ZBTB20: variants seen among roughly 807,000 people sequenced by gnomAD.
ZBTB20 encodes the protein zinc finger and BTB domain-containing protein 20.
Under a neutral mutation model 56.9 loss-of-function variants are expected in ZBTB20, and 9 were observed. The ratio of observed to expected loss-of-function variants is 0.16; its 90% confidence interval spans 0.10 to 0.28. The LOEUF (loss-of-function observed/expected upper bound fraction) is 0.28, where lower values mean the gene tolerates loss of function less well. Among genes scored for constraint, ZBTB20 ranks in the 10% least tolerant of loss-of-function variants. The pLI is 1.00. For synonymous variants in ZBTB20, 417 were observed against 420.7 expected, an observed-to-expected ratio of 0.99 and a Z score of 0.11; for missense variants, 655 against 1,003.0, an observed-to-expected ratio of 0.65 and a Z score of 4.69.
intron 2 of ZBTB20, among the ~76,000 whole-genome samples, chr3:115,042,928 A>G (rs887878242): frequency 5.3e-5 from 8 of 152,240 alleles, no homozygotes; most frequent in African/African-American, 9.6e-5. Context: ...ATCTTTGATC[A>G]TAAGTGTTGA....
At chr3:114,792,034 T>G (rs1285025997) in intron 5 of ZBTB20, 1 of 152,120 alleles carries the variant, frequency 6.6e-6, no homozygotes, top group Non-Finnish European at 1.5e-5. Context: ...TAACACTCTT[T>G]ATTGTTCCTG....
intron 4 of ZBTB20, among the ~76,000 whole-genome samples, chr3:114,851,045 ACT>A (rs1437057856): frequency 6.6e-6 from 1 of 152,022 alleles, no homozygotes; most frequent in East Asian, 1.9e-4. Context: ...GTCTACCCAA[ACT>A]CTCTTAGGTG....
intron 2 of ZBTB20, among the ~76,000 whole-genome samples, chr3:115,045,377 G>A (rs1179084724): frequency 6.6e-6 from 1 of 151,868 alleles, no homozygotes; most frequent in African/African-American, 2.4e-5. Context: ...TCCCGTAGTG[G>A]CCGAATTTCC....
chr3:114,347,088 T>G (rs964926493), intron 11 of ZBTB20, among the ~76,000 whole-genome samples: 19 of 127,296 alleles, frequency 1.5e-4, no homozygotes, highest in Admixed American at 1.1e-3. Context: ...TTTTTTTTTT[T>G]TTTTTTTTTT....
At chr3:115,073,979 G>A (rs779732907) in intron 1 of ZBTB20, among the ~76,000 whole-genome samples, 6 of 152,030 alleles carry the variant, frequency 3.9e-5, no homozygotes, top group Non-Finnish European at 7.4e-5. Context: ...CATAATTAGT[G>A]AAAATCTAAG....
intron 6 of ZBTB20, among the ~76,000 whole-genome samples, chr3:114,531,858 G>T (rs971128178): frequency 6.6e-5 from 10 of 152,158 alleles, no homozygotes; most frequent in African/African-American, 2.4e-4. Context: ...GCAGGGTGGG[G>T]CATCGCTTCA....
At chr3:114,455,583 A>G (rs1055258772) in intron 7 of ZBTB20, among the ~76,000 whole-genome samples, 1 of 152,130 alleles carries the variant, frequency 6.6e-6, no homozygotes, top group Non-Finnish European at 1.5e-5. Flanking sequence ...CAAGACAGGT[A>G]CAGTCAGATG....
At chr3:115,029,561 TAGAA>T (rs1247229531) in intron 2 of ZBTB20, among the ~76,000 whole-genome samples, 5 of 150,716 alleles carry the variant, frequency 3.3e-5, no homozygotes, top group Non-Finnish European at 7.5e-5. Context: ...GGAAATCAAA[TAGAA>T]AGACAAGAAA....
intron 2 of ZBTB20, among the ~76,000 whole-genome samples, chr3:115,067,208 A>G (rs1470173363): frequency 1.3e-5 from 2 of 152,086 alleles, no homozygotes; most frequent in Non-Finnish European, 1.5e-5. Context: ...ATTCCCTACT[A>G]TGCCAAATAC....
At chr3:115,032,443 T>C (rs990424882) in intron 2 of ZBTB20, among the ~76,000 whole-genome samples, 2 of 151,356 alleles carry the variant, frequency 1.3e-5, no homozygotes, top group Non-Finnish European at 3.0e-5. Flanking sequence ...AATAAAATAT[T>C]ATAGATATTT....
intron 7 of ZBTB20, among the ~76,000 whole-genome samples, chr3:114,425,841 C>T (rs1433993508): frequency 6.6e-6 from 1 of 152,202 alleles, no homozygotes; most frequent in Non-Finnish European, 1.5e-5. Context: ...AATCATTCTG[C>T]TATACAAATT....
chr3:114,543,782 C>T (rs1196554660), intron 6 of ZBTB20, among the ~76,000 whole-genome samples: 3 of 152,160 alleles, frequency 2.0e-5, no homozygotes, highest in African/African-American at 7.2e-5. Context: ...ATGAAGAACG[C>T]ATTGGCTATT....
At chr3:114,448,201 T>C (rs1010049127) in intron 7 of ZBTB20, among the ~76,000 whole-genome samples, 1 of 152,052 alleles carries the variant, frequency 6.6e-6, no homozygotes, top group African/African-American at 2.4e-5. Flanking sequence ...TGTTGTGGCA[T>C]TGGGAATTTG....
At chr3:114,698,428 G>A (rs759468689) in intron 5 of ZBTB20, among the ~76,000 whole-genome samples, 15 of 152,054 alleles carry the variant, frequency 9.9e-5, no homozygotes, top group Non-Finnish European at 2.1e-4. Context: ...TGGGTGGAAT[G>A]CCTGTAGCAT....
In ZBTB20 at chr3:114,440,353, A is replaced by T. The variant is rs558885322; in HGVS notation, c.-254-51248T>A. On this transcript the variant is annotated intron_variant, in intron 7 of 11. Coordinates refer to ENST00000675478, the MANE Select transcript of ZBTB20 (RefSeq NM_001348800.3). ...TAAGGAAGGGTGGAGCTGGGGGAAA[A>T]AAAAATCCTCCCACATCTGCTCTTA... Among the ~76,000 whole-genome samples, 4 of 152,224 alleles carry T rather than the reference A, an allele frequency of 2.6e-5. No individual in the cohort carries two copies. In the South Asian group the frequency reaches 8.3e-4, roughly 32 times the overall value.
intron 10 of ZBTB20, among the ~76,000 whole-genome samples, chr3:114,352,641 T>A (rs990471401): frequency 6.6e-6 from 1 of 152,146 alleles, no homozygotes; most frequent in African/African-American, 2.4e-5. Flanking sequence ...CTTTCTAGGG[T>A]GGTTGCATGT....
intron 6 of ZBTB20, among the ~76,000 whole-genome samples, chr3:114,630,418 T>C (rs753075204): frequency 6.6e-6 from 1 of 152,180 alleles, no homozygotes; most frequent in Non-Finnish European, 1.5e-5. Flanking sequence ...CAGGGATGTA[T>C]CTCATCTGAG....
intron 7 of ZBTB20, among the ~76,000 whole-genome samples, chr3:114,454,153 G>A (rs988296560): frequency 2.9e-5 from 4 of 139,274 alleles, no homozygotes. Context: ...AAGAGAGAGA[G>A]GAAGAGAGAG....
chr3:114,922,645 T>C (rs375826172), intron 3 of ZBTB20, among the ~76,000 whole-genome samples: 1 of 152,192 alleles, frequency 6.6e-6, no homozygotes, highest in Non-Finnish European at 1.5e-5. Flanking sequence ...CTTTTCCGGA[T>C]GTACAAGAAG....
Sources: gnomAD v4.1 joint callset for allele counts (sites outside exome capture counted in the v4.1 genomes callset) on GRCh38, gnomAD v4.1.1 for gene constraint, MANE v1.5 for transcripts, NCBI Gene and HGNC (gene_info 2026-07-23, HGNC 2026-07-21) for gene names.